Variants in SNX29 observed in about 807,000 individuals in gnomAD.
SNX29 encodes sorting nexin-29.
SNX29 carries 78 observed loss-of-function variants against 102.1 expected under a neutral mutation model. That is an observed-to-expected ratio of 0.76 (90% confidence interval 0.64 to 0.92). The LOEUF is 0.92. SNX29 is among the 40% of genes least tolerant of loss of function. The pLI is 0.00. For missense variants in SNX29, 1,280 were observed against 1,061.7 expected, an observed-to-expected ratio of 1.21 and a Z score of -2.86; for synonymous variants, 580 against 414.5, an observed-to-expected ratio of 1.40 and a Z score of -4.85.
chr16:12,212,034 C>T (rs1362765742), intron 14 of SNX29, among the ~76,000 whole-genome samples: 1 of 151,940 alleles, frequency 6.6e-6, no homozygotes, highest in Non-Finnish European at 1.5e-5. Context: ...CCATGCTTTC[C>T]CCAGTGCTTC....
intron 18 of SNX29, among the ~76,000 whole-genome samples, chr16:12,411,753 G>A (rs2084405975): frequency 6.6e-6 from 1 of 152,158 alleles, no homozygotes; most frequent in Non-Finnish European, 1.5e-5. Flanking sequence ...TGCAGAGAAA[G>A]GAACAAGGAG....
intron 7 of SNX29, among the ~76,000 whole-genome samples, chr16:12,049,399 C>G (rs62037740): frequency 2.7e-5 from 4 of 150,702 alleles, no homozygotes; most frequent in Admixed American, 2.0e-4. Flanking sequence ...GTGGCATGAT[C>G]TCAGCTCACT....
At chr16:12,269,523 G>T (rs1031410330) in intron 14 of SNX29, among the ~76,000 whole-genome samples, 2 of 152,160 alleles carry the variant, frequency 1.3e-5, no homozygotes, top group African/African-American at 4.8e-5. Context: ...CACAATGTAA[G>T]TTTCTGATTG....
Position 12,060,175 on chromosome 16 carries a change from A to G in SNX29, c.1125-1353A>G, listed in dbSNP as rs557781086. 5.4e-4 allele frequency among the ~76,000 whole-genome samples: 83 copies of G among 152,320 alleles called. 1 individual carries two copies. The highest frequency in any genetic ancestry group is 1.1e-3 in the Non-Finnish European group (73 of 68,028). ...AAAACCAATAAAAATAATACAATAA[A>G]AATACAGTATAACAACTATTTACAT... On this transcript the variant is annotated intron_variant, in intron 8 of 20. Coordinates refer to ENST00000566228, the MANE Select transcript of SNX29 (RefSeq NM_032167.5).
chr16:12,362,645 G>C (rs74008991), intron 16 of SNX29, among the ~76,000 whole-genome samples: 1,373 of 137,056 alleles, frequency 0.01, 28 homozygotes, highest in African/African-American at 0.036. Context: ...CAGGGCCTTT[G>C]TTCCTAGTGT....
chr16:12,216,481 C>T (rs780883461), intron 14 of SNX29, among the ~76,000 whole-genome samples: 2 of 152,178 alleles, frequency 1.3e-5, no homozygotes, highest in Admixed American at 6.5e-5. Flanking sequence ...GCCAGCCACA[C>T]GTGTGTCCGA....
At chr16:12,541,626 G>A (rs776591444) in intron 20 of SNX29, among the ~76,000 whole-genome samples, 3 of 152,128 alleles carry the variant, frequency 2.0e-5, no homozygotes, top group Non-Finnish European at 4.4e-5. Flanking sequence ...CTCTGTCGGG[G>A]TCCATCGCAT....
At chr16:12,023,571 C>G (rs910024281) in intron 3 of SNX29, among the ~76,000 whole-genome samples, 2 of 146,728 alleles carry the variant, frequency 1.4e-5, no homozygotes, top group Non-Finnish European at 3.0e-5. Flanking sequence ...GAGCAAGACC[C>G]TGTCTCAAAA....
At chr16:12,564,828 A>G (rs942759780) in intron 20 of SNX29, among the ~76,000 whole-genome samples, 4 of 148,220 alleles carry the variant, frequency 2.7e-5, no homozygotes, top group South Asian at 2.2e-4. Context: ...GTGGTACACA[A>G]CGCTGAAGTC....
At position 12,276,498 on chromosome 16, in the gene SNX29, T is replaced by G. The variant is rs1024145342; in HGVS notation, c.1679-1435T>G. The stretch of plus-strand genomic sequence containing the variant: ...TTGCTCAGCCTTCCTGACTTTCACC[T>G]TCTTCCTGAAGGCTACCCGCATCAC... On this transcript the variant is annotated intron_variant, in intron 14 of 20. Transcript: ENST00000566228. 3.9e-5 allele frequency among the ~76,000 whole-genome samples: 6 copies of G among 152,306 alleles called. No homozygotes were observed. In the East Asian group the frequency reaches 1.2e-3, roughly 29 times the overall value.
At chr16:12,315,337 T>G (rs986299099) in intron 15 of SNX29, among the ~76,000 whole-genome samples, 1 of 152,316 alleles carries the variant, frequency 6.6e-6, no homozygotes, top group Middle Eastern at 3.4e-3. Context: ...GTAAATTCTT[T>G]ACACCTTGTG....
At chr16:12,323,961 G>A (rs1457913938) in intron 15 of SNX29, among the ~76,000 whole-genome samples, 1 of 152,116 alleles carries the variant, frequency 6.6e-6, no homozygotes, top group Non-Finnish European at 1.5e-5. Context: ...TGAAAATATA[G>A]AGATTGATTG....
At position 12,572,888 on chromosome 16, in the gene SNX29, G is replaced by A. The variant is rs532864715; in HGVS notation, c.*4259G>A. On this transcript the variant is annotated 3_prime_UTR_variant, in exon 21 of 21. Transcript: ENST00000566228. ...GTAATGATTGTCTTGACTCTGCCTT[G>A]GCATTTCGCTCGGAATCACGGCAGA... The A allele has an allele frequency of 6.7e-5, 71 of 1,053,412 alleles. 2 individuals carry two copies. In the South Asian group the frequency reaches 3.0e-3, roughly 44 times the overall value. The allele number at this position is 1,053,412 out of a possible 1,614,324, so 65.3% of individuals were successfully genotyped here.
At chr16:12,142,195 C>T (rs973537726) in intron 13 of SNX29, among the ~76,000 whole-genome samples, 1 of 152,226 alleles carries the variant, frequency 6.6e-6, no homozygotes, top group African/African-American at 2.4e-5. Context: ...CCACACTGAA[C>T]CCACTGTTGA....
chr16:12,336,677 G>C (rs1391488346), intron 15 of SNX29, among the ~76,000 whole-genome samples: 1 of 152,206 alleles, frequency 6.6e-6, no homozygotes, highest in Non-Finnish European at 1.5e-5. Context: ...GAGTACAGTA[G>C]CTCATGCTTG....
intron 20 of SNX29, among the ~76,000 whole-genome samples, chr16:12,543,563 G>A (rs728584): frequency 5.4e-3 from 815 of 152,198 alleles, no homozygotes; most frequent in African/African-American, 0.018. Context: ...ACTGAGCCAC[G>A]AGATCACGCT....
intron 15 of SNX29, among the ~76,000 whole-genome samples, chr16:12,313,555 C>T (rs1395455949): frequency 6.6e-6 from 1 of 152,234 alleles, no homozygotes; most frequent in South Asian, 2.1e-4. Flanking sequence ...CAGCCTCCGT[C>T]AGCCCTCTTG....
intron 19 of SNX29, among the ~76,000 whole-genome samples, chr16:12,510,808 A>G (rs191396741): frequency 7.9e-5 from 12 of 152,274 alleles, no homozygotes; most frequent in East Asian, 5.8e-4. Context: ...TTTAGCTACA[A>G]TAGAGCCCAC....
intron 20 of SNX29, among the ~76,000 whole-genome samples, chr16:12,558,201 C>T (rs1026091785): frequency 7.0e-6 from 1 of 142,480 alleles, no homozygotes; most frequent in Non-Finnish European, 1.5e-5. Flanking sequence ...ACGGTTTACT[C>T]CAGCAGAACC....
Sources: allele counts gnomAD v4.1 joint callset (sites outside exome capture counted in the v4.1 genomes callset), GRCh38; gene constraint gnomAD v4.1.1; transcripts MANE v1.5; gene names NCBI Gene and HGNC (gene_info 2026-07-23, HGNC 2026-07-21).